The following ENTPD4 variants were observed in gnomAD, a reference collection of about 807,000 sequenced individuals.
ENTPD4 encodes ectonucleoside triphosphate diphosphohydrolase 4.
ENTPD4 carries 60 observed loss-of-function variants against 79.1 expected under a neutral mutation model. That is an observed-to-expected ratio of 0.76 (90% CI 0.62 to 0.94). The LOEUF (loss-of-function observed/expected upper bound fraction) is 0.94, where lower values mean the gene tolerates loss of function less well. Ranked by LOEUF, ENTPD4 falls within the 40% of genes least tolerant of loss-of-function variation. The pLI is 0.00. For missense variants in ENTPD4, 772 were observed against 775.1 expected (o/e 1.00, Z 0.05); for synonymous variants, 276 against 292.0 (o/e 0.95, Z 0.56).
chr8:23,446,694 G>A (rs943822945), intron 4 of ENTPD4, among the ~76,000 whole-genome samples: 3 of 152,140 alleles, frequency 2.0e-5, no homozygotes, highest in Non-Finnish European at 2.9e-5. Flanking sequence ...GAAGGAGGAG[G>A]TGGGGTCTGA....
intron 5 of ENTPD4, 47 bp downstream of exon 5, chr8:23,444,409 C>T: frequency 6.4e-7 from 1 of 1,570,904 alleles, no homozygotes; most frequent in South Asian, 1.1e-5. Context: ...CACCCCCTCT[C>T]CCCTCCAGGA....
chr8:23,439,969 C>G, intron 8 of ENTPD4, 54 bp from the exon 9 acceptor site: 1 of 1,509,164 alleles, frequency 6.6e-7, no homozygotes, highest in Non-Finnish European at 9.1e-7. Context: ...TAGCCTCCTA[C>G]TAAAAAGAAA....
chr8:23,451,025 T>C (rs1407534412), intron 1 of ENTPD4, among the ~76,000 whole-genome samples: 3 of 147,978 alleles, frequency 2.0e-5, no homozygotes, highest in South Asian at 2.1e-4. Context: ...TTCTTTTCTT[T>C]TTTTTTTTTT....
chr8:23,430,773 CTTCCT>C lies in ENTPD4; in HGVS notation c.*2148_*2152del, dbSNP rs1247425121. On this transcript the variant is annotated 3_prime_UTR_variant, in exon 13 of 13. Coordinates refer to ENST00000358689, the MANE Select transcript of ENTPD4 (RefSeq NM_004901.5). The stretch of plus-strand genomic sequence containing the variant: ...TGCCCACTTCAACCATTTGTGGCCC[CTTCCT>C]TTCCTTTCTTCCCTCTCTGCTGCTG... 4.1e-6 allele frequency: 4 copies of C among 985,600 alleles called. No individual in the cohort carries two copies. In the East Asian group the frequency reaches 4.5e-4, roughly 112 times the overall value. The allele number at this position is 985,600 out of a possible 1,614,324, so 61.1% of individuals were successfully genotyped here.
In ENTPD4 at chr8:23,432,219, G is replaced by C; in HGVS notation, c.*707C>G. 4.1e-6 allele frequency: 4 copies of C among 979,478 alleles called. No homozygotes were observed. Among genetic ancestry groups the C allele is most frequent in the Non-Finnish European group, 4.8e-6 (4 of 825,920 alleles). 60.7% of individuals were successfully genotyped at this position (979,478 alleles called of 1,614,324 possible). On this transcript the variant is annotated 3_prime_UTR_variant, in exon 13 of 13. Transcript: ENST00000358689. The stretch of plus-strand genomic sequence containing the variant: ...TAGAGCTTTCAAGATAGAGAAAAAA[G>C]AGGATTATCATTTCAGGCAGTAAGT...
At chr8:23,443,468 T>C (rs1327459351) in intron 6 of ENTPD4, among the ~76,000 whole-genome samples, 1 of 152,234 alleles carries the variant, frequency 6.6e-6, no homozygotes, top group Non-Finnish European at 1.5e-5. Flanking sequence ...AATCATTTCT[T>C]TGAAAATAGA....
intron 1 of ENTPD4, among the ~76,000 whole-genome samples, chr8:23,455,243 C>T (rs1178538724): frequency 1.3e-5 from 2 of 152,210 alleles, no homozygotes; most frequent in Non-Finnish European, 2.9e-5. Context: ...ACTCAAATCA[C>T]AGGCAAACAA....
intron 4 of ENTPD4, among the ~76,000 whole-genome samples, chr8:23,445,826 C>T (rs1474329043): frequency 1.3e-5 from 2 of 152,136 alleles, no homozygotes; most frequent in African/African-American, 2.4e-5. Context: ...TGGCAGGTGC[C>T]CAGCATGTAT....
chr8:23,439,055 T>G (rs1800622204), intron 9 of ENTPD4, among the ~76,000 whole-genome samples: 1 of 152,266 alleles, frequency 6.6e-6, no homozygotes, highest in South Asian at 2.1e-4. Context: ...TCAGATTTTT[T>G]TATTTATCCA....
chr8:23,450,867 A>G (rs933527394), intron 1 of ENTPD4, among the ~76,000 whole-genome samples: 2 of 151,856 alleles, frequency 1.3e-5, no homozygotes, highest in Non-Finnish European at 2.9e-5. Flanking sequence ...CTAAAACTGC[A>G]CCCCTAACAA....
At chr8:23,451,702 C>G (rs1242431963) in intron 1 of ENTPD4, among the ~76,000 whole-genome samples, 2 of 152,202 alleles carry the variant, frequency 1.3e-5, no homozygotes, top group Non-Finnish European at 2.9e-5. Flanking sequence ...TCCGAGTGGT[C>G]TTCAAAAATG....
Position 23,432,911 on chromosome 8 carries a change from G to T in ENTPD4, c.*15C>A. ...TGGCTTTTCCTTTTGAGTCTTCGTG[G>T]AGCTGTGAGCTGGATCACAAGGTCC... is the stretch of plus-strand genomic sequence containing the variant. On this transcript the variant is annotated 3_prime_UTR_variant, in exon 13 of 13. Transcript: ENST00000358689. 6.4e-7 allele frequency: 1 copy of T among 1,568,012 alleles called. No individual in the cohort carries two copies.
In ENTPD4 at chr8:23,429,921, G is replaced by T. The variant is rs1345280011; in HGVS notation, c.*3005C>A. Reference sequence around the variant, plus strand: ...ATGTCTGAGAACATCCCCTGGAGGAGGTTTAAAAGTGAGAAGCCCATGATA... The same window carrying T: ...ATGTCTGAGAACATCCCCTGGAGGATGTTTAAAAGTGAGAAGCCCATGATA... On this transcript the variant is annotated 3_prime_UTR_variant, in exon 13 of 13. Coordinates refer to ENST00000358689, the MANE Select transcript of ENTPD4 (RefSeq NM_004901.5). The T allele has an allele frequency of 6.9e-5, 68 of 985,320 alleles. No homozygotes were observed. Among genetic ancestry groups the T allele is most frequent in the Non-Finnish European group, 7.8e-5 (65 of 829,922 alleles). 61.0% of individuals were successfully genotyped at this position (985,320 alleles called of 1,614,324 possible). A position where few individuals can be genotyped will look rare whatever the true frequency, so the allele number is the denominator to read the frequency against.
intron 9 of ENTPD4, among the ~76,000 whole-genome samples, chr8:23,438,065 ATT>A (rs1247593609): frequency 6.6e-6 from 1 of 152,202 alleles, no homozygotes; most frequent in Admixed American, 6.5e-5. Context: ...GAAAATAAAC[ATT>A]AATTTTGTTA....
In ENTPD4 at chr8:23,447,889, G is replaced by T; in HGVS notation, c.207-4C>A. 8 of 1,612,336 alleles carry T rather than the reference G, an allele frequency of 5.0e-6. No individual in the cohort carries two copies. The South Asian group carries it at 8.8e-5, about 18-fold the overall frequency. On this transcript the variant is annotated splice_polypyrimidine_tract_variant and splice_region_variant and intron_variant, in intron 3 of 12. Transcript: ENST00000358689. ...GTCGGTAACTCGTGCCAGGTACCTTGTATAGAAACACACGTATGCTTTGAT... is the reference window on the plus strand; with the variant it reads ...GTCGGTAACTCGTGCCAGGTACCTTTTATAGAAACACACGTATGCTTTGAT...
Position 23,436,026 on chromosome 8 carries a change from A to G in ENTPD4, c.1375-549T>C, listed in dbSNP as rs74784969. ...TACCATCCCGACCTCTATTTAAAGG[A>G]TGAAGACACTGCTGAGAGGTGGGAG... is the stretch of plus-strand genomic sequence containing the variant. On this transcript the variant is annotated intron_variant, in intron 10 of 12. Coordinates refer to ENST00000358689, the MANE Select transcript of ENTPD4 (RefSeq NM_004901.5). Among the ~76,000 whole-genome samples the G allele has an allele frequency of 6.1e-3, 927 of 152,314 alleles. 11 individuals are homozygous for G. Among genetic ancestry groups the G allele is most frequent in the African/African-American group, 0.021 (870 of 41,566 alleles).
Position 23,433,423 on chromosome 8 carries a change from C to A in ENTPD4, c.1623-269G>T, listed in dbSNP as rs372610977. Among the ~76,000 whole-genome samples the A allele has an allele frequency of 7.9e-5, 12 of 152,044 alleles. No homozygotes were observed. In the East Asian group the frequency reaches 2.3e-3, roughly 29 times the overall value. ...AAGAGCCGTGAAGGTTTCGCTGATA[C>A]AAAGAAGTCAACATGTAAACAAACT... On this transcript the variant is annotated intron_variant, in intron 12 of 12. Coordinates refer to ENST00000358689, the MANE Select transcript of ENTPD4 (RefSeq NM_004901.5).
At chr8:23,435,587 G>C in intron 10 of ENTPD4, 110 bp from the exon 11 acceptor site, 2 of 743,062 alleles carry the variant, frequency 2.7e-6, no homozygotes, top group East Asian at 5.4e-5. Context: ...TTCCCATTAG[G>C]AAACACACAA....
In ENTPD4 at chr8:23,447,665, T is replaced by A. The variant is rs757120360; in HGVS notation, c.412+15A>T. 5 of 1,601,774 alleles carry A rather than the reference T, an allele frequency of 3.1e-6. No homozygotes were observed. The South Asian group carries it at 3.3e-5, about 11-fold the overall frequency. ...ACACACCCTGGTTACCAGGCAGATG[T>A]TCTCATTTACATACCCGGTTTTATC... On this transcript the variant is annotated intron_variant, in intron 4 of 12. Transcript: ENST00000358689.
Sources: gnomAD v4.1 joint callset for allele counts (sites outside exome capture counted in the v4.1 genomes callset) on GRCh38, gnomAD v4.1.1 for gene constraint, MANE v1.5 for transcripts, NCBI Gene and HGNC (gene_info 2026-07-23, HGNC 2026-07-21) for gene names.